Variants in COL11A1 observed in about 807,000 individuals in gnomAD.
COL11A1 encodes the protein collagen alpha-1(XI) chain.
COL11A1 carries 74 observed loss-of-function variants against 265.2 expected under a neutral mutation model. The observed-to-expected ratio is 0.28, with a 90% CI of 0.23 to 0.34. COL11A1 has a LOEUF of 0.34. COL11A1 is among the 10% of genes least tolerant of loss of function. The pLI, the probability that COL11A1 is intolerant of heterozygous loss-of-function variation, is 1.00. For synonymous variants in COL11A1, 816 were observed against 727.6 expected (o/e 1.12, Z -1.96); for missense variants, 2,165 against 2,263.6 (o/e 0.96, Z 0.88).
chr1:102,883,439 C>T (rs765088302), intron 63 of COL11A1, 128 bp from the exon 64 acceptor site: 4 of 697,942 alleles, frequency 5.7e-6, no homozygotes, highest in Non-Finnish European at 1.0e-5. Flanking sequence ...GCCTTTTAAG[C>T]TTTTGGGCAT....
At chr1:103,064,315 G>C (rs972230041) in intron 4 of COL11A1, among the ~76,000 whole-genome samples, 6 of 152,092 alleles carry the variant, frequency 3.9e-5, no homozygotes, top group African/African-American at 1.4e-4. Context: ...CTTTTAGTAG[G>C]TAAACTGATA....
rs187986340 is a variant in COL11A1, at chr1:103,045,985, T to A, written c.652-14741A>T. ...TGGCTGCATAGTATTCCATGGTGTA[T>A]ATGTGCCACATTTTTCTTAATCCAG... On this transcript the variant is annotated intron_variant, in intron 4 of 66. Coordinates refer to ENST00000370096, the MANE Select transcript of COL11A1 (RefSeq NM_001854.4). Among the ~76,000 whole-genome samples the A allele has an allele frequency of 7.8e-3, 1,162 of 148,456 alleles. 3 individuals are homozygous for A. The highest frequency in any genetic ancestry group is 0.012 in the Non-Finnish European group (768 of 66,576).
intron 46 of COL11A1, among the ~76,000 whole-genome samples, chr1:102,925,076 T>C (rs941594106): frequency 1.3e-5 from 2 of 152,078 alleles, no homozygotes; most frequent in African/African-American, 4.8e-5. Context: ...GACATAAAAA[T>C]ACAATGTAAA....
intron 19 of COL11A1, 40 bp downstream of exon 19, chr1:103,004,568 T>C: frequency 1.3e-6 from 2 of 1,585,788 alleles, no homozygotes; most frequent in South Asian, 2.2e-5. Context: ...TATTATGTTT[T>C]AATTTTAAAT....
chr1:103,043,029 T>C (rs998554012), intron 4 of COL11A1, among the ~76,000 whole-genome samples: 1 of 147,196 alleles, frequency 6.8e-6, no homozygotes, highest in African/African-American at 2.5e-5. Context: ...ATATATGATA[T>C]ATATTAAATA....
At chr1:102,893,502 T>C (rs67016898) in intron 57 of COL11A1, among the ~76,000 whole-genome samples, 13,375 of 152,176 alleles carry the variant, frequency 0.088, 708 homozygotes, top group Middle Eastern at 0.16. Flanking sequence ...CAACTCTGCA[T>C]ATAAAAATGT....
At chr1:102,904,366 T>C (rs1350627635) in intron 54 of COL11A1, among the ~76,000 whole-genome samples, 1 of 151,984 alleles carries the variant, frequency 6.6e-6, no homozygotes, top group Non-Finnish European at 1.5e-5. Context: ...AAGCCAAAAT[T>C]GACAAATGGG....
intron 43 of COL11A1, among the ~76,000 whole-genome samples, chr1:102,939,618 C>T (rs927845644): frequency 1.3e-5 from 2 of 151,914 alleles, no homozygotes; most frequent in Non-Finnish European, 2.9e-5. Flanking sequence ...GTGGGAGGAT[C>T]GCTCAAGTCC....
At position 102,999,128 on chromosome 1, in the gene COL11A1, G is replaced by T. The variant is rs77520679; in HGVS notation, c.2143-765C>A. On this transcript the variant is annotated intron_variant, in intron 24 of 66. Transcript: ENST00000370096. Reference sequence around the variant, plus strand: ...TATTGACACATCAAGTTATTGTCCAGGATTCAGAATCAATGAGAAGGTCAA... The same window carrying T: ...TATTGACACATCAAGTTATTGTCCATGATTCAGAATCAATGAGAAGGTCAA... Among the ~76,000 whole-genome samples the T allele has an allele frequency of 5.5e-3, 843 of 151,934 alleles. 4 individuals carry two copies. The highest frequency in any genetic ancestry group is 8.9e-3 in the Non-Finnish European group (606 of 67,832).
At chr1:102,923,198 T>C in intron 47 of COL11A1, 138 bp downstream of exon 47, 3 of 695,796 alleles carry the variant, frequency 4.3e-6, no homozygotes, top group Middle Eastern at 4.9e-4. Context: ...AAGACTAATA[T>C]ATAACTAAAT....
chr1:103,105,333 A>C (rs1674609115), intron 1 of COL11A1, among the ~76,000 whole-genome samples: 1 of 152,148 alleles, frequency 6.6e-6, no homozygotes, highest in African/African-American at 2.4e-5. Context: ...TATTTATAAA[A>C]ATCACACTTA....
rs190144628 is a variant in COL11A1 at position 103,047,770 on chromosome 1, A to G, written c.652-16526T>C. Among the ~76,000 whole-genome samples, 5 of 152,286 alleles carry G rather than the reference A, an allele frequency of 3.3e-5. No homozygotes were observed. In the East Asian group the frequency reaches 7.7e-4, roughly 24 times the overall value. ...TAGATAGCTCTTATTATTTTGAGAT[A>G]TGACCCATCAATACCTAATTTATTG... is the stretch of plus-strand genomic sequence containing the variant. On this transcript the variant is annotated intron_variant, in intron 4 of 66. Transcript: ENST00000370096.
chr1:102,897,219 T>C (rs981388405), intron 57 of COL11A1, among the ~76,000 whole-genome samples: 4 of 151,962 alleles, frequency 2.6e-5, no homozygotes, highest in African/African-American at 7.2e-5. Context: ...GAACTGTGAA[T>C]CCCAGTTGTG....
intron 50 of COL11A1, among the ~76,000 whole-genome samples, chr1:102,915,169 A>C (rs953782069): frequency 1.3e-5 from 2 of 152,158 alleles, no homozygotes; most frequent in African/African-American, 4.8e-5. Context: ...GTCCAATGGT[A>C]TCCCTGGCCT....
At chr1:102,955,757 A>G (rs746229036) in intron 41 of COL11A1, among the ~76,000 whole-genome samples, 6 of 152,162 alleles carry the variant, frequency 3.9e-5, no homozygotes, top group Non-Finnish European at 7.3e-5. Context: ...ATATTTACAT[A>G]TATCTGTTTA....
chr1:102,878,789 G>A (rs79207596), intron 66 of COL11A1, among the ~76,000 whole-genome samples: 3 of 151,578 alleles, frequency 2.0e-5, no homozygotes, highest in African/African-American at 7.3e-5. Context: ...GATTACAGGG[G>A]TAAGACACCA....
At chr1:102,945,023 T>A (rs1430426843) in intron 42 of COL11A1, among the ~76,000 whole-genome samples, 1 of 152,146 alleles carries the variant, frequency 6.6e-6, no homozygotes, top group African/African-American at 2.4e-5. Context: ...ACATTCTAAC[T>A]CTTTCTGAAA....
intron 4 of COL11A1, 74 bp from the exon 5 acceptor site, chr1:103,031,318 C>A (rs918254922): frequency 6.6e-7 from 1 of 1,507,450 alleles, no homozygotes; most frequent in Non-Finnish European, 9.0e-7. Context: ...TATACCAAAG[C>A]GAGATGTGGT....
At chr1:102,942,955 G>C (rs1411023745) in intron 42 of COL11A1, among the ~76,000 whole-genome samples, 2 of 151,918 alleles carry the variant, frequency 1.3e-5, no homozygotes, top group African/African-American at 2.4e-5. Flanking sequence ...AGAAAACAGA[G>C]GTTTTGATTT....
Sources: gnomAD v4.1 joint callset for allele counts (sites outside exome capture counted in the v4.1 genomes callset) on GRCh38, gnomAD v4.1.1 for gene constraint, MANE v1.5 for transcripts, NCBI Gene and HGNC (gene_info 2026-07-23, HGNC 2026-07-21) for gene names.